The following SGCZ variants were observed in gnomAD, a reference collection of about 807,000 sequenced individuals.
The protein encoded by SGCZ is zeta-sarcoglycan.
In SGCZ, 40 loss-of-function variants were observed where a neutral mutation model predicts 41.3. The observed-to-expected ratio is 0.97, with a 90% confidence interval of 0.75 to 1.26. The LOEUF is 1.26. SGCZ is among the 50% of genes most tolerant of loss of function. SGCZ has a pLI of 0.00. For synonymous variants in SGCZ, 206 were observed against 137.5 expected (o/e 1.50, Z -3.49); for missense variants, 552 against 369.8 (o/e 1.49, Z -4.04).
chr8:15,081,132 C>G (rs920770672), intron 1 of SGCZ, among the ~76,000 whole-genome samples: 2 of 152,150 alleles, frequency 1.3e-5, no homozygotes, highest in African/African-American at 4.8e-5. Flanking sequence ...CTAGCAAACT[C>G]ATATAGTATG....
At chr8:14,321,605 C>A (rs1182786451) in intron 3 of SGCZ, among the ~76,000 whole-genome samples, 1 of 152,010 alleles carries the variant, frequency 6.6e-6, no homozygotes, top group Non-Finnish European at 1.5e-5. Flanking sequence ...TTAAAGAGAG[C>A]AACAGCATGG....
At chr8:14,943,817 A>T (rs1800355808) in intron 1 of SGCZ, among the ~76,000 whole-genome samples, 1 of 152,144 alleles carries the variant, frequency 6.6e-6, no homozygotes, top group Non-Finnish European at 1.5e-5. Flanking sequence ...ACTTACAAGT[A>T]AGAATAAGCA....
At chr8:14,152,322 C>T (rs1168042397) in intron 5 of SGCZ, among the ~76,000 whole-genome samples, 2 of 152,006 alleles carry the variant, frequency 1.3e-5, no homozygotes, top group African/African-American at 4.8e-5. Flanking sequence ...GGCAAATAAA[C>T]ACATAAAAAG....
chr8:14,286,013 A>G (rs1800611867), intron 3 of SGCZ, among the ~76,000 whole-genome samples: 1 of 152,062 alleles, frequency 6.6e-6, no homozygotes. Flanking sequence ...AGGATAAATT[A>G]TTACTAATAG....
At chr8:15,062,497 A>G (rs1274923873) in intron 1 of SGCZ, among the ~76,000 whole-genome samples, 2 of 152,180 alleles carry the variant, frequency 1.3e-5, no homozygotes, top group South Asian at 4.1e-4. Context: ...TGAAACTACT[A>G]CAAATAGAAA....
At chr8:14,349,033 C>G (rs1435279966) in intron 2 of SGCZ, among the ~76,000 whole-genome samples, 2 of 151,918 alleles carry the variant, frequency 1.3e-5, no homozygotes, top group African/African-American at 4.8e-5. Flanking sequence ...CATCCAAATC[C>G]TTTTTAATAC....
chr8:14,835,439 CTCCTT>C (rs781689679), intron 1 of SGCZ, among the ~76,000 whole-genome samples: 7 of 152,180 alleles, frequency 4.6e-5, no homozygotes, highest in Non-Finnish European at 1.0e-4. Flanking sequence ...CGACAGTTCT[CTCCTT>C]TCACTCACTT....
At chr8:14,776,099 G>C (rs1324941764) in intron 1 of SGCZ, among the ~76,000 whole-genome samples, 8 of 152,170 alleles carry the variant, frequency 5.3e-5, no homozygotes, top group East Asian at 1.9e-4. Flanking sequence ...AGAGAAAAAA[G>C]TGAACTCTTA....
At chr8:14,675,976 G>A (rs1315551902) in intron 1 of SGCZ, among the ~76,000 whole-genome samples, 3 of 152,148 alleles carry the variant, frequency 2.0e-5, no homozygotes, top group African/African-American at 4.8e-5. Flanking sequence ...AGAAACACCT[G>A]CAGAGTGGTT....
intron 7 of SGCZ, among the ~76,000 whole-genome samples, chr8:14,094,446 T>A (rs946518430): frequency 6.6e-6 from 1 of 152,104 alleles, no homozygotes; most frequent in African/African-American, 2.4e-5. Context: ...ATCATCCATG[T>A]CCCCGCAAAG....
chr8:15,021,750 C>A (rs1328473996), intron 1 of SGCZ, among the ~76,000 whole-genome samples: 2 of 152,122 alleles, frequency 1.3e-5, no homozygotes, highest in African/African-American at 2.4e-5. Flanking sequence ...ACTGCTGAGG[C>A]CTATTCTTTC....
intron 1 of SGCZ, among the ~76,000 whole-genome samples, chr8:15,051,530 G>A (rs1407879225): frequency 6.6e-6 from 1 of 151,992 alleles, no homozygotes; most frequent in African/African-American, 2.4e-5. Flanking sequence ...TACATACCCA[G>A]GATTGGAATT....
At chr8:14,200,586 C>T (rs562241065) in intron 4 of SGCZ, among the ~76,000 whole-genome samples, 39 of 152,096 alleles carry the variant, frequency 2.6e-4, no homozygotes, top group South Asian at 1.2e-3. Flanking sequence ...CAGATTCTGA[C>T]GCAATTTAAA....
intron 1 of SGCZ, among the ~76,000 whole-genome samples, chr8:15,109,339 TAG>T (rs1373560422): frequency 5.9e-5 from 9 of 152,296 alleles, no homozygotes; most frequent in Non-Finnish European, 1.3e-4. Flanking sequence ...TTCATGTTTC[TAG>T]ATGTCACTCG....
At chr8:14,252,077 C>T (rs1196192161) in intron 3 of SGCZ, among the ~76,000 whole-genome samples, 1 of 152,140 alleles carries the variant, frequency 6.6e-6, no homozygotes, top group African/African-American at 2.4e-5. Context: ...GCCTCTTCTT[C>T]ATTCTTTACA....
At chr8:14,945,172 G>A in intron 1 of SGCZ, among the ~76,000 whole-genome samples, 1 of 94,150 alleles carries the variant, frequency 1.1e-5, no homozygotes, top group African/African-American at 4.2e-5. Context: ...GGGTGGGGGG[G>A]GTGGGCGGGG....
intron 2 of SGCZ, among the ~76,000 whole-genome samples, chr8:14,344,185 G>C (rs1802811025): frequency 1.3e-5 from 2 of 152,028 alleles, no homozygotes; most frequent in African/African-American, 2.4e-5. Context: ...CCAAAAACAA[G>C]TGAATAGGGG....
At chr8:15,016,708 G>A (rs1054398258) in intron 1 of SGCZ, among the ~76,000 whole-genome samples, 4 of 152,068 alleles carry the variant, frequency 2.6e-5, no homozygotes, top group East Asian at 1.9e-4. Flanking sequence ...TTGCTATAAC[G>A]AGGTATCTGA....
At chr8:15,108,020 A>G (rs1251841077) in intron 1 of SGCZ, among the ~76,000 whole-genome samples, 1 of 152,142 alleles carries the variant, frequency 6.6e-6, no homozygotes, top group Non-Finnish European at 1.5e-5. Context: ...CTTATTTTCC[A>G]ATGGGATTTA....
Sources: allele counts gnomAD v4.1 joint callset (sites outside exome capture counted in the v4.1 genomes callset), GRCh38; gene constraint gnomAD v4.1.1; transcripts MANE v1.5; gene names NCBI Gene and HGNC (gene_info 2026-07-23, HGNC 2026-07-21).